LRRK2: variants seen among roughly 807,000 people sequenced by gnomAD.
The protein encoded by LRRK2 is leucine rich repeat kinase 2.
LRRK2 carries 203 observed loss-of-function variants against 302.6 expected under a neutral mutation model. That is an observed-to-expected ratio of 0.67 (90% confidence interval 0.60 to 0.75). The LOEUF is 0.75. Among genes scored for constraint, LRRK2 ranks in the 30% least tolerant of loss-of-function variants. The pLI is 0.00. For missense variants in LRRK2, 2,830 were observed against 2,951.0 expected, an observed-to-expected ratio of 0.96 and a Z score of 0.95; for synonymous variants, 1,066 against 1,031.9, an observed-to-expected ratio of 1.03 and a Z score of -0.63.
chr12:40,231,589 AAAAC>A lies in LRRK2; in HGVS notation c.238-682_238-679del, dbSNP rs1275282419. 5.2e-3 allele frequency among the ~76,000 whole-genome samples: 764 copies of A among 148,274 alleles called. 6 individuals are homozygous for A. The highest frequency in any genetic ancestry group is 0.018 in the African/African-American group (727 of 40,642). On this transcript the variant is annotated intron_variant, in intron 2 of 50. Transcript: ENST00000298910. ...CAAAAACAAAACCAAAAAAAAAAAA[AAAAC>A]AAGAAAAAAAAAGTACTAAGGATCT...
intron 28 of LRRK2, among the ~76,000 whole-genome samples, 168 bp downstream of exon 28, chr12:40,306,134 G>A (rs1451393858): frequency 6.6e-6 from 1 of 152,064 alleles, no homozygotes; most frequent in African/African-American, 2.4e-5. Flanking sequence ...GTGTTTCTGT[G>A]GTGCCACTGT....
intron 14 of LRRK2, among the ~76,000 whole-genome samples, chr12:40,273,582 C>T (rs1011118178): frequency 3.9e-5 from 6 of 152,136 alleles, no homozygotes; most frequent in Non-Finnish European, 5.9e-5. Context: ...TGGTCAAAGA[C>T]GTCTGGCTTG....
intron 18 of LRRK2, among the ~76,000 whole-genome samples, chr12:40,282,698 A>T (rs1943759239): frequency 6.6e-6 from 1 of 152,126 alleles, no homozygotes; most frequent in African/African-American, 2.4e-5. Flanking sequence ...GGATGGGTTG[A>T]AGGTGGGCGT....
chr12:40,322,399 A>G lies in LRRK2; in HGVS notation c.5398A>G (p.Ile1800Val). The change falls in exon 37 of 51, where the codon ATT becomes GTT. Residue 1800 changes from isoleucine to valine, a missense_variant. Around this residue, in one of 3 missense-constraint regions of LRRK2, gnomAD observed 2,121 missense variants for 2,148.0 expected, o/e 0.99. Transcript: ENST00000298910. ...EWFPGLLEID[I>V]CGEGETLLKK... ...GTTTCCTGGGTTGCTGGAGATTGAT[A>G]TTTGTGGTGAAGGAGAAACTCTGTT... 12 of 1,613,574 alleles carry G rather than the reference A, an allele frequency of 7.4e-6. No individual in the cohort carries two copies. The highest frequency in any genetic ancestry group is 1.0e-5 in the Non-Finnish European group (12 of 1,179,640).
intron 31 of LRRK2, 101 bp from the exon 32 acceptor site, chr12:40,313,871 A>G (rs1248031024): frequency 1.3e-5 from 11 of 847,968 alleles, no homozygotes; most frequent in African/African-American, 3.4e-5. Context: ...TCTGAATAAT[A>G]TATCTGTTTC....
rs1946958932 is a variant in LRRK2 at position 40,368,976 on chromosome 12, C to A, written c.*1211C>A. The A allele has an allele frequency of 6.6e-6, 1 of 151,798 alleles. No individual in the cohort carries two copies. Among genetic ancestry groups the A allele is most frequent in the Non-Finnish European group, 1.5e-5 (1 of 67,774 alleles). The allele number at this position is 151,798 out of a possible 1,614,324, so 9.4% of individuals were successfully genotyped here. Reference sequence around the variant, plus strand: ...CCAGTATTCATTATTTCAGATAATTCCCTGTGATAGGACAACTAGTACATT... The same window carrying A: ...CCAGTATTCATTATTTCAGATAATTACCTGTGATAGGACAACTAGTACATT... On this transcript the variant is annotated 3_prime_UTR_variant, in exon 51 of 51. Transcript: ENST00000298910.
At chr12:40,349,150 T>C (rs1369139452) in intron 43 of LRRK2, among the ~76,000 whole-genome samples, 1 of 152,154 alleles carries the variant, frequency 6.6e-6, no homozygotes, top group Non-Finnish European at 1.5e-5. Flanking sequence ...TTTTTTCAGG[T>C]TGATTTACTA....
At chr12:40,354,248 T>A (rs1255086306) in intron 44 of LRRK2, 51 bp from the exon 45 acceptor site, 4 of 1,495,400 alleles carry the variant, frequency 2.7e-6, no homozygotes, top group African/African-American at 1.4e-5. Context: ...CAAGTTCTAG[T>A]TGCTTAAGCT....
intron 26 of LRRK2, 81 bp from the exon 27 acceptor site, chr12:40,303,867 T>G: frequency 7.3e-7 from 1 of 1,371,192 alleles, no homozygotes; most frequent in Non-Finnish European, 1.0e-6. Flanking sequence ...ATTCTCACCC[T>G]GGGGAAAATT....
intron 42 of LRRK2, 51 bp downstream of exon 42, chr12:40,346,974 C>T (rs746387886): frequency 6.8e-7 from 1 of 1,467,072 alleles, no homozygotes; most frequent in East Asian, 2.3e-5. Context: ...ATATCAGCAG[C>T]TTCATTTTTA....
chr12:40,348,860 G>A (rs1010887657), intron 43 of LRRK2, among the ~76,000 whole-genome samples: 1 of 151,794 alleles, frequency 6.6e-6, no homozygotes, highest in South Asian at 2.1e-4. Flanking sequence ...TTTCTTTTTC[G>A]AGCTGGTGGC....
chr12:40,232,214 C>A, intron 2 of LRRK2, 60 bp from the exon 3 acceptor site: 2 of 1,171,300 alleles, frequency 1.7e-6, no homozygotes, highest in Non-Finnish European at 2.6e-6. Context: ...TCATGTTTGA[C>A]TGAGTATGCT....
Position 40,298,914 on chromosome 12 carries a change from T to G in LRRK2, c.3348-195T>G, listed in dbSNP as rs373917166. On this transcript the variant is annotated intron_variant, in intron 24 of 50. Transcript: ENST00000298910. Reference sequence around the variant, plus strand: ...ATTATATATATACTATATATAATACTTATTATATATATAATAAAAGACCGA... The same window carrying G: ...ATTATATATATACTATATATAATACGTATTATATATATAATAAAAGACCGA... Among the ~76,000 whole-genome samples the G allele has an allele frequency of 3.0e-4, 23 of 77,544 alleles. No homozygotes were observed. The East Asian group carries it at 4.6e-3, about 16-fold the overall frequency. 50.9% of individuals were successfully genotyped at this position (77,544 alleles called of 152,430 possible).
intron 4 of LRRK2, among the ~76,000 whole-genome samples, chr12:40,235,983 T>G (rs1941448534): frequency 6.6e-6 from 1 of 152,054 alleles, no homozygotes; most frequent in African/African-American, 2.4e-5. Flanking sequence ...CTCAAAAATC[T>G]CATTCAATAC....
At chr12:40,320,218 C>G (rs1241094279) in intron 34 of LRRK2, 43 bp downstream of exon 34, 2 of 1,456,052 alleles carry the variant, frequency 1.4e-6, no homozygotes. Context: ...TGGAAATTCA[C>G]TATCTATTCT....
intron 21 of LRRK2, among the ~76,000 whole-genome samples, chr12:40,293,894 C>CATATATATAT (rs1491426750): frequency 0.026 from 1,822 of 70,554 alleles, 140 homozygotes; most frequent in Admixed American, 0.14. Flanking sequence ...TTTTTTGGGG[C>CATATATATAT]ACATATATAT....
chr12:40,351,050 C>A (rs988399846), intron 43 of LRRK2, among the ~76,000 whole-genome samples: 3 of 152,146 alleles, frequency 2.0e-5, no homozygotes, highest in African/African-American at 4.8e-5. Context: ...TTCCTGACTT[C>A]TGGTTCTGTT....
chr12:40,230,298 A>G (rs1280789928), intron 2 of LRRK2, among the ~76,000 whole-genome samples: 1 of 152,212 alleles, frequency 6.6e-6, no homozygotes, highest in Non-Finnish European at 1.5e-5. Flanking sequence ...TCTTCCTAAA[A>G]TAGCCGTTGT....
chr12:40,367,507 T>A (rs1946914673), intron 50 of LRRK2, 137 bp from the exon 51 acceptor site: 4 of 668,022 alleles, frequency 6.0e-6, no homozygotes, highest in Admixed American at 3.7e-5. Context: ...TAAATAATAA[T>A]TTAGTACATT....
Sources: allele counts gnomAD v4.1 joint callset (sites outside exome capture counted in the v4.1 genomes callset), GRCh38; gene constraint gnomAD v4.1.1; regional missense constraint gnomAD v4.1.1; transcripts MANE v1.5; gene names NCBI Gene and HGNC (gene_info 2026-07-23, HGNC 2026-07-21).